Variants in METTL15 observed in about 807,000 individuals in gnomAD.
METTL15 encodes methyltransferase 15, mitochondrial 12S rRNA N4-cytidine.
In METTL15, 34 loss-of-function variants were observed where a neutral mutation model predicts 38.3. The observed-to-expected ratio is 0.89, with a 90% CI of 0.68 to 1.18. The LOEUF (loss-of-function observed/expected upper bound fraction) is 1.18, where lower values mean the gene tolerates loss of function less well. Among genes scored for constraint, METTL15 ranks in the 50% most tolerant of loss-of-function variants. METTL15 has a pLI of 0.00. For missense variants in METTL15, 438 were observed against 498.4 expected (o/e 0.88, Z 1.15); for synonymous variants, 162 against 170.9 (o/e 0.95, Z 0.41).
intron 4 of METTL15, among the ~76,000 whole-genome samples, chr11:28,277,454 T>G (rs1855886123): frequency 1.3e-5 from 2 of 152,118 alleles, no homozygotes; most frequent in Admixed American, 6.5e-5. Context: ...TCCCAGCACT[T>G]TGGGAGGCCG....
chr11:28,482,107 G>T (rs1851400267), intron 6 of METTL15, among the ~76,000 whole-genome samples: 1 of 152,068 alleles, frequency 6.6e-6, no homozygotes, highest in Non-Finnish European at 1.5e-5. Flanking sequence ...GTAATCACTG[G>T]TCTCAAGCAC....
intron 6 of METTL15, among the ~76,000 whole-genome samples, chr11:28,304,967 A>C (rs1857032044): frequency 6.6e-6 from 1 of 152,148 alleles, no homozygotes; most frequent in African/African-American, 2.4e-5. Context: ...CTACAGTTGA[A>C]TTTGGATGGC....
chr11:28,311,016 G>T (rs1387484852), intron 6 of METTL15, among the ~76,000 whole-genome samples: 2 of 151,066 alleles, frequency 1.3e-5, no homozygotes, highest in African/African-American at 4.9e-5. Context: ...GAGAGAGAGA[G>T]AGAGAGAGGA....
At chr11:28,229,031 T>C (rs529412388) in intron 4 of METTL15, among the ~76,000 whole-genome samples, 1 of 151,954 alleles carries the variant, frequency 6.6e-6, no homozygotes, top group South Asian at 2.1e-4. Context: ...TGACTTAATC[T>C]TTCTATGTCT....
At chr11:28,236,714 T>G (rs903188124) in intron 4 of METTL15, among the ~76,000 whole-genome samples, 2 of 152,232 alleles carry the variant, frequency 1.3e-5, no homozygotes, top group African/African-American at 4.8e-5. Context: ...CTTTACATTT[T>G]GGCATGATTT....
At chr11:28,424,580 G>C (rs571857894) in intron 6 of METTL15, among the ~76,000 whole-genome samples, 1 of 152,302 alleles carries the variant, frequency 6.6e-6, no homozygotes, top group Admixed American at 6.5e-5. Context: ...GTTCTTGTCA[G>C]TTACAGAACT....
At chr11:28,451,928 G>T (rs1470150251) in intron 6 of METTL15, among the ~76,000 whole-genome samples, 6 of 152,176 alleles carry the variant, frequency 3.9e-5, no homozygotes, top group Non-Finnish European at 4.4e-5. Flanking sequence ...ACTCCCATCT[G>T]CCCCCATAAT....
intron 6 of METTL15, among the ~76,000 whole-genome samples, chr11:28,480,569 G>A (rs1323904698): frequency 6.6e-6 from 1 of 152,156 alleles, no homozygotes; most frequent in Non-Finnish European, 1.5e-5. Context: ...GCTGGCTCTA[G>A]CTGACTACTT....
rs562365817 is a variant in METTL15 at position 28,372,494 on chromosome 11, G to C, written c.*358+10458G>C. Among the ~76,000 whole-genome samples the C allele has an allele frequency of 3.8e-5, 5 of 132,660 alleles. No homozygotes were observed. The Admixed American group carries it at 4.1e-4, about 11-fold the overall frequency. The allele number at this position is 132,660 out of a possible 152,430, so 87.0% of individuals were successfully genotyped here. ...CTCCATGCCAATACATGTTAAACCA[G>C]TGAGTTGCACATCAAGTTCTGGAAA... On this transcript the variant is annotated intron_variant and NMD_transcript_variant, in intron 5 of 7. Transcript: ENST00000532947.
At chr11:28,442,583 A>G (rs1012545118) in intron 6 of METTL15, among the ~76,000 whole-genome samples, 6 of 152,158 alleles carry the variant, frequency 3.9e-5, no homozygotes, top group African/African-American at 1.4e-4. Flanking sequence ...TTTCAGTGTT[A>G]TTTATATTGC....
At chr11:28,279,641 C>A (rs1017013564) in intron 4 of METTL15, among the ~76,000 whole-genome samples, 1 of 152,152 alleles carries the variant, frequency 6.6e-6, no homozygotes, top group Non-Finnish European at 1.5e-5. Flanking sequence ...TGGCTCACGC[C>A]TGTAATCCCA....
chr11:28,454,485 A>G (rs1345710573), intron 6 of METTL15, among the ~76,000 whole-genome samples: 1 of 152,238 alleles, frequency 6.6e-6, no homozygotes, highest in Non-Finnish European at 1.5e-5. Context: ...TGAGTCACAT[A>G]GAAAACACCC....
At chr11:28,368,143 CAAAAAAAACAAA>C (rs1433778813) in intron 5 of METTL15, among the ~76,000 whole-genome samples, 3 of 87,072 alleles carry the variant, frequency 3.4e-5, no homozygotes, top group South Asian at 3.9e-4. Context: ...AAAAAAAAAA[CAAAAAAAACAAA>C]AAAAAAAACA....
intron 3 of METTL15, among the ~76,000 whole-genome samples, chr11:28,143,120 G>C (rs2133665946): frequency 6.6e-6 from 1 of 151,976 alleles, no homozygotes; most frequent in South Asian, 2.1e-4. Flanking sequence ...CTTAATAGAA[G>C]ATCACATTTT....
At chr11:28,329,937 A>C (rs1849760085) in intron 6 of METTL15, among the ~76,000 whole-genome samples, 1 of 152,090 alleles carries the variant, frequency 6.6e-6, no homozygotes, top group South Asian at 2.1e-4. Context: ...AGCTGTTAAT[A>C]ATATTTTTGT....
intron 6 of METTL15, among the ~76,000 whole-genome samples, chr11:28,500,649 G>A (rs765309958): frequency 8.6e-5 from 13 of 151,614 alleles, no homozygotes; most frequent in Non-Finnish European, 1.3e-4. Context: ...TCAGCCTCCC[G>A]AAAACTGGGA....
At chr11:28,375,298 G>C (rs1301016587) in intron 5 of METTL15, among the ~76,000 whole-genome samples, 2 of 147,642 alleles carry the variant, frequency 1.4e-5, no homozygotes, top group African/African-American at 2.5e-5. Flanking sequence ...TCTGGTCCTG[G>C]ACTCTTTTTG....
intron 5 of METTL15, among the ~76,000 whole-genome samples, chr11:28,392,275 A>G (rs1410058077): frequency 6.6e-6 from 1 of 152,128 alleles, no homozygotes; most frequent in Non-Finnish European, 1.5e-5. Flanking sequence ...AATACCCTGA[A>G]AAGCCAAAGC....
intron 6 of METTL15, among the ~76,000 whole-genome samples, chr11:28,461,823 T>C (rs1290591718): frequency 6.6e-6 from 1 of 152,094 alleles, no homozygotes; most frequent in East Asian, 1.9e-4. Flanking sequence ...ATTCAGGGTG[T>C]TCATCACTCA....
Sources: allele counts gnomAD v4.1 joint callset (sites outside exome capture counted in the v4.1 genomes callset), GRCh38; gene constraint gnomAD v4.1.1; transcripts MANE v1.5; gene names NCBI Gene and HGNC (gene_info 2026-07-23, HGNC 2026-07-21).